ANXA8: variants seen among roughly 807,000 people sequenced by gnomAD.
ANXA8 encodes the protein VAC-beta.
ANXA8 carries 9 observed loss-of-function variants against 26.8 expected under a neutral mutation model. That is an observed-to-expected ratio of 0.34 (90% CI 0.20 to 0.59). The LOEUF (loss-of-function observed/expected upper bound fraction) is 0.59. Among genes scored for constraint, ANXA8 ranks in the 20% least tolerant of loss-of-function variants. The pLI, the probability that ANXA8 is intolerant of heterozygous loss-of-function variation, is 0.84. For synonymous variants in ANXA8, 39 were observed against 94.8 expected (o/e 0.41, Z 3.42); for missense variants, 83 against 238.5 (o/e 0.35, Z 4.29).
At chr10:47,957,491 C>T in the ANXA8 span, among the ~76,000 whole-genome samples, 3 of 150,600 alleles carry the variant, frequency 2.0e-5, 1 homozygote, top group African/African-American at 5.0e-5. Flanking sequence ...AGGGGACCGG[C>T]TTCTTGTTTC....
the ANXA8 span, among the ~76,000 whole-genome samples, chr10:47,557,361 G>A: frequency 6.6e-6 from 1 of 151,798 alleles, no homozygotes; most frequent in East Asian, 1.9e-4. Flanking sequence ...TCCCCATGCT[G>A]AATGTCTGAA....
chr10:47,746,754 CTTAT>C, the ANXA8 span, among the ~76,000 whole-genome samples: 1 of 123,866 alleles, frequency 8.1e-6, no homozygotes, highest in Non-Finnish European at 1.7e-5. Flanking sequence ...GAAATGAGTG[CTTAT>C]TTAAGTATGG....
the ANXA8 span, among the ~76,000 whole-genome samples, chr10:47,664,234 C>A: frequency 2.0e-5 from 3 of 151,718 alleles, no homozygotes; most frequent in East Asian, 1.9e-4. Flanking sequence ...AAAAATGAGC[C>A]GGGCGTGGTG....
chr10:47,778,028 G>T, the ANXA8 span, among the ~76,000 whole-genome samples: 3 of 151,994 alleles, frequency 2.0e-5, no homozygotes, highest in African/African-American at 7.3e-5. Context: ...CCGACTCATG[G>T]TTCTTTGGTA....
chr10:47,688,636 G>T, the ANXA8 span, among the ~76,000 whole-genome samples: 2 of 151,142 alleles, frequency 1.3e-5, no homozygotes, highest in African/African-American at 4.9e-5. Flanking sequence ...TGGCCTGGCT[G>T]GTCTTGAACT....
At chr10:47,558,610 C>T in the ANXA8 span, among the ~76,000 whole-genome samples, 13 of 151,388 alleles carry the variant, frequency 8.6e-5, no homozygotes, top group Non-Finnish European at 1.9e-4. Flanking sequence ...GCTGGTCTTG[C>T]ACACCTGAGC....
At chr10:47,546,213 G>GAA in the ANXA8 span, among the ~76,000 whole-genome samples, 2 of 122,516 alleles carry the variant, frequency 1.6e-5, no homozygotes, top group South Asian at 2.7e-4. Flanking sequence ...TCTCCTCACA[G>GAA]AAAAAAAAAA....
At chr10:47,548,859 A>G in the ANXA8 span, among the ~76,000 whole-genome samples, 5 of 152,150 alleles carry the variant, frequency 3.3e-5, no homozygotes, top group African/African-American at 9.6e-5. Flanking sequence ...GCTCTATTTC[A>G]TCTTATGTAA....
At chr10:47,732,724 T>C in the ANXA8 span, among the ~76,000 whole-genome samples, 2,570 of 146,982 alleles carry the variant, frequency 0.017, no homozygotes, top group African/African-American at 0.062. Flanking sequence ...TCATTTTACA[T>C]CTTTTTTTTT....
chr10:47,747,980 A>G, the ANXA8 span, among the ~76,000 whole-genome samples: 1 of 152,112 alleles, frequency 6.6e-6, no homozygotes, highest in African/African-American at 2.4e-5. Flanking sequence ...CTCTAAGCTG[A>G]AGAACAGAGA....
At chr10:47,503,704 T>C in the ANXA8 span, among the ~76,000 whole-genome samples, 2 of 120,736 alleles carry the variant, frequency 1.7e-5, no homozygotes, top group African/African-American at 7.3e-5. Flanking sequence ...GGTGGGTGGA[T>C]CACGAGGTCA....
the ANXA8 span, among the ~76,000 whole-genome samples, chr10:47,693,367 G>A: frequency 2.0e-5 from 3 of 150,394 alleles, no homozygotes; most frequent in African/African-American, 7.4e-5. Flanking sequence ...TCTGCTCACT[G>A]CAAGCTCTGC....
chr10:47,563,868 G>A, the ANXA8 span, among the ~76,000 whole-genome samples: 13 of 151,806 alleles, frequency 8.6e-5, no homozygotes, highest in Non-Finnish European at 1.5e-5. Flanking sequence ...TTTTACGGGA[G>A]GGATTTTTTT....
the ANXA8 span, among the ~76,000 whole-genome samples, chr10:47,724,242 C>T: frequency 7.5e-6 from 1 of 133,600 alleles, no homozygotes; most frequent in African/African-American, 2.9e-5. Context: ...TCACTCAGGC[C>T]TCATCTGAGT....
chr10:47,566,472 G>A, the ANXA8 span, among the ~76,000 whole-genome samples: 415 of 151,518 alleles, frequency 2.7e-3, 2 homozygotes, highest in African/African-American at 9.6e-3. Flanking sequence ...TCTCCCTTCG[G>A]GCTCCGCCCC....
the ANXA8 span, among the ~76,000 whole-genome samples, chr10:47,700,516 A>C: frequency 2.8e-4 from 42 of 151,872 alleles, 1 homozygote; most frequent in African/African-American, 1.0e-3. Flanking sequence ...ATGGATTAAT[A>C]GTCTAAATGT....
the ANXA8 span, among the ~76,000 whole-genome samples, chr10:47,940,410 C>A: frequency 1.4e-5 from 2 of 147,284 alleles, no homozygotes; most frequent in African/African-American, 2.6e-5. Flanking sequence ...CCCACCTTCC[C>A]CACGATGCAG....
At chr10:47,515,941 G>A in the ANXA8 span, among the ~76,000 whole-genome samples, 1 of 122,692 alleles carries the variant, frequency 8.2e-6, no homozygotes, top group Non-Finnish European at 1.7e-5. Context: ...CAAGAAAAGA[G>A]ATCAAAACAA....
At chr10:47,561,120 G>A in the ANXA8 span, among the ~76,000 whole-genome samples, 3 of 151,706 alleles carry the variant, frequency 2.0e-5, no homozygotes. Flanking sequence ...ATATATTTAT[G>A]AGGTACAAAG....
Sources: allele counts gnomAD v4.1 joint callset (sites outside exome capture counted in the v4.1 genomes callset), GRCh38; gene constraint gnomAD v4.1.1; transcripts MANE v1.5; gene names NCBI Gene and HGNC (gene_info 2026-07-23, HGNC 2026-07-21).